The following NTM variants were observed in gnomAD, a reference collection of about 807,000 sequenced individuals.
NTM encodes IgLON family member 2.
In NTM, 13 loss-of-function variants were observed where a neutral mutation model predicts 42.1. The ratio of observed to expected loss-of-function variants is 0.31; its 90% CI spans 0.20 to 0.49. The LOEUF (loss-of-function observed/expected upper bound fraction) is 0.49, where lower values mean the gene tolerates loss of function less well. NTM is among the 20% of genes least tolerant of loss of function. The pLI, the probability that NTM is intolerant of heterozygous loss-of-function variation, is 0.99. For synonymous variants in NTM, 187 were observed against 179.2 expected (o/e 1.04, Z -0.35); for missense variants, 373 against 452.8 (o/e 0.82, Z 1.60).
chr11:131,536,368 C>T (rs1158601800), intron 1 of NTM: 1 of 152,224 alleles, frequency 6.6e-6, no homozygotes, highest in African/African-American at 2.4e-5. Flanking sequence ...GCACGCATTA[C>T]ATTTACTCAG....
At chr11:131,826,460 T>G (rs1450480639) in intron 1 of NTM, among the ~76,000 whole-genome samples, 1 of 151,686 alleles carries the variant, frequency 6.6e-6, no homozygotes, top group Non-Finnish European at 1.5e-5. Context: ...CTGAAGCAGA[T>G]GTCAGAGTGA....
At chr11:131,774,450 A>C (rs1398525502) in intron 1 of NTM, among the ~76,000 whole-genome samples, 1 of 152,220 alleles carries the variant, frequency 6.6e-6, no homozygotes, top group African/African-American at 2.4e-5. Context: ...TTTTGGTAAA[A>C]TAGTACACAT....
chr11:132,055,517 T>A (rs2079501410), intron 2 of NTM, among the ~76,000 whole-genome samples: 2 of 152,156 alleles, frequency 1.3e-5, no homozygotes, highest in Non-Finnish European at 2.9e-5. Context: ...CCCTGTGGCA[T>A]CAGGAGTGGC....
At chr11:131,441,059 C>T (rs1949586682) in intron 1 of NTM, among the ~76,000 whole-genome samples, 1 of 151,994 alleles carries the variant, frequency 6.6e-6, no homozygotes, top group South Asian at 2.1e-4. Context: ...ATTGTTTAAA[C>T]CATTGTTTTA....
chr11:131,591,561 G>A (rs2059372523), intron 1 of NTM, among the ~76,000 whole-genome samples: 2 of 152,340 alleles, frequency 1.3e-5, no homozygotes, highest in South Asian at 4.1e-4. Flanking sequence ...CTGGTGAGCT[G>A]AGCTGGGTAG....
chr11:131,832,275 C>A (rs1048651444), intron 1 of NTM, among the ~76,000 whole-genome samples: 1 of 151,562 alleles, frequency 6.6e-6, no homozygotes, highest in South Asian at 2.1e-4. Context: ...CACTTGCTAA[C>A]TCAATGTCAG....
At chr11:131,788,923 G>C (rs1327101796) in intron 1 of NTM, among the ~76,000 whole-genome samples, 1 of 152,056 alleles carries the variant, frequency 6.6e-6, no homozygotes, top group Non-Finnish European at 1.5e-5. Context: ...TCTCACCCTC[G>C]TTTCTTCTTC....
intron 7 of NTM, among the ~76,000 whole-genome samples, chr11:132,326,412 C>G (rs1308695940): frequency 6.6e-6 from 1 of 152,162 alleles, no homozygotes; most frequent in East Asian, 1.9e-4. Flanking sequence ...ATAGCAAAGT[C>G]AATTGCAGGA....
chr11:132,162,790 TG>T (rs1591929403), intron 3 of NTM, among the ~76,000 whole-genome samples: 1 of 150,918 alleles, frequency 6.6e-6, no homozygotes, highest in East Asian at 2.0e-4. Flanking sequence ...CCTGTGTGTG[TG>T]TGTGTGTTTG....
chr11:132,203,773 C>T (rs1026344307), intron 3 of NTM, among the ~76,000 whole-genome samples: 1 of 152,066 alleles, frequency 6.6e-6, no homozygotes, highest in East Asian at 1.9e-4. Flanking sequence ...GTTTCAGGTG[C>T]CTGTAGTCCC....
intron 1 of NTM, among the ~76,000 whole-genome samples, chr11:131,502,565 T>G: frequency 6.6e-6 from 1 of 151,736 alleles, no homozygotes; most frequent in East Asian, 1.9e-4. Context: ...TGCAAGAGAG[T>G]GAGGAGTCGG....
intron 2 of NTM, among the ~76,000 whole-genome samples, chr11:131,968,803 A>G (rs2063166505): frequency 1.3e-5 from 2 of 152,222 alleles, no homozygotes. Context: ...CTTTTAGGCA[A>G]CTGAACACAA....
intron 1 of NTM, among the ~76,000 whole-genome samples, chr11:131,630,191 A>G (rs548280686): frequency 1.3e-5 from 2 of 152,160 alleles, no homozygotes; most frequent in Admixed American, 6.5e-5. Flanking sequence ...CAATGATTCT[A>G]TGAAGGTGAG....
intron 3 of NTM, among the ~76,000 whole-genome samples, chr11:132,172,984 T>C (rs3924619): frequency 0.55 from 83,984 of 152,116 alleles, 24,006 homozygotes; most frequent in Non-Finnish European, 0.62. Flanking sequence ...TAAAAAGTCA[T>C]GCAACTCACA....
intron 1 of NTM, among the ~76,000 whole-genome samples, chr11:131,602,940 A>C (rs4936140): frequency 0.43 from 65,006 of 151,866 alleles, 16,021 homozygotes; most frequent in East Asian, 0.61. Context: ...TCTTGTAATC[A>C]AACTTTCCTC....
At chr11:131,406,022 G>A (rs896017487) in intron 1 of NTM, among the ~76,000 whole-genome samples, 1 of 152,070 alleles carries the variant, frequency 6.6e-6, no homozygotes, top group Non-Finnish European at 1.5e-5. Flanking sequence ...TTCTCTATCA[G>A]GTATTCTGTG....
At chr11:131,683,818 T>C (rs530065652) in intron 1 of NTM, among the ~76,000 whole-genome samples, 1 of 152,258 alleles carries the variant, frequency 6.6e-6, no homozygotes, top group Non-Finnish European at 1.5e-5. Flanking sequence ...GGTTGTCCTT[T>C]GTCATTGGAG....
chr11:131,896,315 AG>A (rs2052260650), intron 1 of NTM, among the ~76,000 whole-genome samples: 2 of 152,240 alleles, frequency 1.3e-5, no homozygotes, highest in South Asian at 4.1e-4. Context: ...AATCTGAAGG[AG>A]AAATAAATAG....
Position 131,504,710 on chromosome 11 carries a change from C to T in NTM, c.82+133822C>T, listed in dbSNP as rs371037011. 1.9e-4 allele frequency among the ~76,000 whole-genome samples: 29 copies of T among 152,180 alleles called. 1 individual carries two copies. The highest frequency in any genetic ancestry group is 6.5e-4 in the African/African-American group (27 of 41,510). ...TGCTCCATGGCCATCTGGGTGTCAG[C>T]GTGCCCTCACATGTCTGTCAGCTGC... On this transcript the variant is annotated intron_variant, in intron 1 of 8. Transcript: ENST00000683400.
Sources: allele counts gnomAD v4.1 joint callset (sites outside exome capture counted in the v4.1 genomes callset), GRCh38; gene constraint gnomAD v4.1.1; transcripts MANE v1.5; gene names NCBI Gene and HGNC (gene_info 2026-07-23, HGNC 2026-07-21).